NBR1: variants seen among roughly 807,000 people sequenced by gnomAD.
NBR1 encodes the protein NBR1 autophagy cargo receptor, also known as next to BRCA1 gene 1 protein.
A neutral mutation model predicts 115.5 loss-of-function variants in NBR1; 59 were observed. The observed-to-expected ratio is 0.51, with a 90% CI of 0.41 to 0.63. The LOEUF is 0.63. NBR1 is among the 30% of genes least tolerant of loss of function. The pLI is 0.00. For synonymous variants in NBR1, 373 were observed against 414.7 expected (o/e 0.90, Z 1.22); for missense variants, 1,043 against 1,150.5 (o/e 0.91, Z 1.35).
At chr17:43,202,049 G>A (rs1367751504) in intron 18 of NBR1, among the ~76,000 whole-genome samples, 1 of 151,744 alleles carries the variant, frequency 6.6e-6, no homozygotes, top group Non-Finnish European at 1.5e-5. Flanking sequence ...GCATGGTGGC[G>A]GGCACCTGTA....
At chr17:43,178,147 T>A (rs2056570183) in intron 3 of NBR1, 149 bp downstream of exon 3, 3 of 958,930 alleles carry the variant, frequency 3.1e-6, no homozygotes, top group African/African-American at 1.6e-5. Flanking sequence ...TAAGAAGACT[T>A]GCAGCATCTG....
rs772471691 is a variant in NBR1, at chr17:43,202,642, C to G, written c.2564-13C>G. 2 of 1,564,346 alleles carry G rather than the reference C, an allele frequency of 1.3e-6. No individual in the cohort carries two copies. The highest frequency in any genetic ancestry group is 1.7e-6 in the Non-Finnish European group (2 of 1,152,990). ...TGGATGCTGCATCTAACCAACAGCT[C>G]TTTTGCTTTTAGAGCCCAGAGGCTC... On this transcript the variant is annotated splice_polypyrimidine_tract_variant and intron_variant, in intron 18 of 20. Transcript: ENST00000590996.
intron 14 of NBR1, chr17:43,196,032 AGTT>A (rs1156641401): frequency 6.6e-6 from 1 of 152,256 alleles, no homozygotes; most frequent in Non-Finnish European, 1.5e-5. Flanking sequence ...TGAGGCAGAG[AGTT>A]GCTTGAACCT....
At chr17:43,181,105 T>G (rs990632190) in intron 5 of NBR1, among the ~76,000 whole-genome samples, 1 of 152,206 alleles carries the variant, frequency 6.6e-6, no homozygotes, top group African/African-American at 2.4e-5. Context: ...ACTCTTGGGC[T>G]CAAGCAATCT....
At chr17:43,206,951 G>C (rs2057330083) in intron 20 of NBR1, among the ~76,000 whole-genome samples, 1 of 152,040 alleles carries the variant, frequency 6.6e-6, no homozygotes, top group Non-Finnish European at 1.5e-5. Context: ...TGTAGTCCCA[G>C]CTACTTGGGG....
intron 18 of NBR1, among the ~76,000 whole-genome samples, chr17:43,202,298 G>A (rs1206058478): frequency 6.6e-6 from 1 of 151,958 alleles, no homozygotes; most frequent in Non-Finnish European, 1.5e-5. Context: ...AAGAACACAG[G>A]CTTTGGAGCC....
Position 43,211,627 on chromosome 17 carries a change from A to C in NBR1, c.*1553A>C, listed in dbSNP as rs2057417542. ...GAGGGCCCGGGTTGCTCTCCTGGTTATGTATGTACTTGTACATAACCACCT... is the reference window on the plus strand; with the variant it reads ...GAGGGCCCGGGTTGCTCTCCTGGTTCTGTATGTACTTGTACATAACCACCT... On this transcript the variant is annotated 3_prime_UTR_variant, in exon 21 of 21. Transcript: ENST00000590996. 1 of 152,274 alleles carries C rather than the reference A, an allele frequency of 6.6e-6. No individual in the cohort carries two copies. The highest frequency in any genetic ancestry group is 2.4e-5 in the African/African-American group (1 of 41,444). The allele number at this position is 152,274 out of a possible 1,614,324, so 9.4% of individuals were successfully genotyped here.
At chr17:43,174,637 T>G (rs1364869642) in intron 1 of NBR1, among the ~76,000 whole-genome samples, 1 of 151,812 alleles carries the variant, frequency 6.6e-6, no homozygotes, top group African/African-American at 2.4e-5. Context: ...ATTATATTAT[T>G]ATAGTTTGGT....
In NBR1 at chr17:43,186,353, C is replaced by A; in HGVS notation, c.311C>A (p.Ala104Asp). Reference protein sequence around the residue: ...PPVVGAKRLAARAGKKPLAHY... With the variant: ...PPVVGAKRLADRAGKKPLAHY... ...GTTGTAGGAGCAAAACGACTAGCTGCCAGGGCAGGGAAGAAGCCACTTGCA... is the reference window on the plus strand; with the variant it reads ...GTTGTAGGAGCAAAACGACTAGCTGACAGGGCAGGGAAGAAGCCACTTGCA... The change falls in exon 6 of 21, where the codon GCC (alanine) becomes GAC (aspartate). Residue 104 changes from alanine to aspartate, a missense_variant. Ala to Asp is a moderately radical substitution (Grantham distance 126, BLOSUM62 -2). Transcript: ENST00000590996. The A allele has an allele frequency of 6.2e-7, 1 of 1,600,670 alleles. No individual in the cohort carries two copies. The highest frequency in any genetic ancestry group is 8.5e-7 in the Non-Finnish European group (1 of 1,173,742).
intron 5 of NBR1, among the ~76,000 whole-genome samples, chr17:43,184,884 A>G (rs2056762456): frequency 6.6e-6 from 1 of 151,516 alleles, no homozygotes; most frequent in African/African-American, 2.4e-5. Flanking sequence ...AGGTCAAGAG[A>G]TTGAGACCAT....
chr17:43,171,065 C>T (rs2056346211), upstream of NBR1: 1 of 152,546 alleles, frequency 6.6e-6, no homozygotes, highest in African/African-American at 2.4e-5. Context: ...TATTGTTGTT[C>T]GGGTTCAGGT....
In NBR1 at chr17:43,200,572, T is replaced by G; in HGVS notation, c.2432T>G (p.Ile811Ser). 1.2e-6 allele frequency: 2 copies of G among 1,611,524 alleles called. No homozygotes were observed. Among genetic ancestry groups the G allele is most frequent in the Non-Finnish European group, 1.7e-6 (2 of 1,178,054 alleles). Residue 811 changes from isoleucine (I) to serine (S), a missense_variant, in exon 17 of 21, where the codon ATC becomes AGC. Transcript: ENST00000590996. Reference protein sequence around the residue: ...TSQTLETVPLIPEVVELPPSL... With the variant: ...TSQTLETVPLSPEVVELPPSL... ...CAGACTCTGGAAACAGTGCCCCTAA[T>G]CCCAGAGGTAGTGGAGCTTCCACCG...
At chr17:43,206,502 A>C in intron 20 of NBR1, among the ~76,000 whole-genome samples, 1 of 151,962 alleles carries the variant, frequency 6.6e-6, no homozygotes, top group East Asian at 1.9e-4. Context: ...CTAAAAATAC[A>C]AAAATTGCCG....
In NBR1 at chr17:43,189,669, T is replaced by C; in HGVS notation, c.562T>C (p.Leu188=). The C allele has an allele frequency of 1.2e-6, 2 of 1,613,654 alleles. No homozygotes were observed. The highest frequency in any genetic ancestry group is 1.7e-6 in the Non-Finnish European group (2 of 1,179,538). The change falls in exon 8 of 21, where the codon TTG becomes CTG. Residue 188 remains leucine (L), a synonymous_variant. Transcript: ENST00000590996. The part of the protein sequence containing the change: ...HEKLVLQNPS[L]GSCPSEVSMP... ...AAAGCTTGTCCTCCAGAACCCATCC[T>C]TGGGTTCTTGTCCCTCAGAAGTCTC... is the stretch of plus-strand genomic sequence containing the variant.
At chr17:43,177,846 T>G in intron 2 of NBR1, 90 bp from the exon 3 acceptor site, 1 of 1,161,376 alleles carries the variant, frequency 8.6e-7, no homozygotes, top group Non-Finnish European at 1.1e-6. Flanking sequence ...TTAAGGTTGT[T>G]TGTTGTTTGT....
At position 43,186,320 on chromosome 17, in the gene NBR1, C is replaced by T. The variant is rs1003840449; in HGVS notation, c.278C>T (p.Pro93Leu). Reference protein sequence around the residue: ...HEGHHVVDEAPPPVVGAKRLA... With the variant: ...HEGHHVVDEALPPVVGAKRLA... ...GGGCACCATGTCGTTGATGAAGCCC[C>T]ACCCCCAGTTGTAGGAGCAAAACGA... The change falls in exon 6 of 21, where the codon CCA (proline) becomes CTA (leucine). Residue 93 changes from proline (P) to leucine (L), a missense_variant. Physicochemically the swap from Pro to Leu is moderately conservative, Grantham distance 98 (BLOSUM62 -3). Transcript: ENST00000590996. The T allele has an allele frequency of 4.4e-6, 7 of 1,592,862 alleles. No homozygotes were observed. Among genetic ancestry groups the T allele is most frequent in the Non-Finnish European group, 6.0e-6 (7 of 1,169,730 alleles).
intron 2 of NBR1, chr17:43,176,124 G>A: frequency 2.3e-6 from 1 of 426,862 alleles, no homozygotes; most frequent in South Asian, 4.8e-5. Context: ...TTTTAGAAAG[G>A]GAAGGTAAAA....
chr17:43,200,525 A>T lies in NBR1; in HGVS notation c.2385A>T (p.Ile795=), dbSNP rs1476773460. The change falls in exon 17 of 21, where the codon ATA becomes ATT. Residue 795 remains isoleucine (I), a synonymous_variant. Coordinates refer to ENST00000590996, the MANE Select transcript of NBR1 (RefSeq NM_005899.5). ...GGENQPQEHS[I]SDILTTSQTL... is the part of the protein sequence containing the mutation. ...AGAACCAGCCACAGGAGCACAGCAT[A>T]AGTGACATCCTCACGACCTCACAGA... 3.7e-6 allele frequency: 6 copies of T among 1,613,888 alleles called. No individual in the cohort carries two copies. In the East Asian group the frequency reaches 1.3e-4, roughly 36 times the overall value.
At chr17:43,196,740 A>G (rs887192119) in intron 15 of NBR1, 149 bp downstream of exon 15, 2 of 841,810 alleles carry the variant, frequency 2.4e-6, no homozygotes, top group Admixed American at 5.4e-5. Context: ...TCACCTTCAC[A>G]TGGCACAGAT....
Sources: allele counts gnomAD v4.1 joint callset (sites outside exome capture counted in the v4.1 genomes callset), GRCh38; gene constraint gnomAD v4.1.1; transcripts MANE v1.5; gene names NCBI Gene and HGNC (gene_info 2026-07-23, HGNC 2026-07-21).